The following ZNF430 variants were observed in gnomAD, a reference collection of about 807,000 sequenced individuals.
The protein encoded by ZNF430 is zinc finger protein 430.
ZNF430 carries 35 observed loss-of-function variants against 56.7 expected under a neutral mutation model. The ratio of observed to expected loss-of-function variants is 0.62; its 90% CI spans 0.47 to 0.82. ZNF430 has a LOEUF of 0.82. Among genes scored for constraint, ZNF430 ranks in the 40% least tolerant of loss-of-function variants. The pLI is 0.00. For synonymous variants in ZNF430, 212 were observed against 224.3 expected (o/e 0.94, Z 0.49); for missense variants, 574 against 661.0 (o/e 0.87, Z 1.44).
chr19:21,046,611 TG>T (rs1173947153), intron 4 of ZNF430, among the ~76,000 whole-genome samples: 1 of 152,196 alleles, frequency 6.6e-6, no homozygotes, highest in African/African-American at 2.4e-5. Flanking sequence ...TTAGTTTTCC[TG>T]GATATTCTTG....
rs767002206 is a variant in ZNF430, at chr19:21,021,954, C to T, written c.4-835C>T. Among the ~76,000 whole-genome samples the T allele has an allele frequency of 6.0e-5, 9 of 150,622 alleles. No individual in the cohort carries two copies. In the Admixed American group the frequency reaches 6.0e-4, roughly 10 times the overall value. ...GCCTGTGTTCAAGCTTCTCCTGCCTCAGCCTTTTGAGTAGCTGGAATTACA... is the reference window on the plus strand; with the variant it reads ...GCCTGTGTTCAAGCTTCTCCTGCCTTAGCCTTTTGAGTAGCTGGAATTACA... On this transcript the variant is annotated intron_variant, in intron 1 of 4. Coordinates refer to ENST00000261560, the MANE Select transcript of ZNF430 (RefSeq NM_025189.4).
intron 2 of ZNF430, 74 bp downstream of exon 2, chr19:21,022,955 C>G (rs1358650785): frequency 9.2e-7 from 1 of 1,089,424 alleles, no homozygotes; most frequent in Non-Finnish European, 1.4e-6. Flanking sequence ...TGCTGGTCAA[C>G]CAATCAGACT....
chr19:21,038,846 A>G (rs903917863), intron 4 of ZNF430, among the ~76,000 whole-genome samples: 1 of 152,162 alleles, frequency 6.6e-6, no homozygotes, highest in East Asian at 1.9e-4. Context: ...AAACTGTGCT[A>G]TTGTCATTTT....
intron 4 of ZNF430, among the ~76,000 whole-genome samples, chr19:21,055,905 G>A (rs909426892): frequency 5.9e-5 from 9 of 152,162 alleles, no homozygotes; most frequent in Admixed American, 2.0e-4. Context: ...AGCACTAGAT[G>A]TCATAGGAGA....
chr19:21,052,222 C>A (rs1469234643), intron 4 of ZNF430, among the ~76,000 whole-genome samples: 2 of 151,876 alleles, frequency 1.3e-5, no homozygotes, highest in African/African-American at 4.8e-5. Flanking sequence ...GTTAAGACTT[C>A]TTTTTTTGCC....
At chr19:21,045,868 C>A (rs1162572892) in intron 4 of ZNF430, among the ~76,000 whole-genome samples, 1 of 151,908 alleles carries the variant, frequency 6.6e-6, no homozygotes, top group Non-Finnish European at 1.5e-5. Flanking sequence ...CTTTTTTCTT[C>A]TTTTATTTGC....
Position 21,056,965 on chromosome 19 carries a change from C to A in ZNF430, c.657C>A (p.His219Gln). 2 of 1,613,898 alleles carry A rather than the reference C, an allele frequency of 1.2e-6. No homozygotes were observed. The highest frequency in any genetic ancestry group is 4.5e-5 in the East Asian group (2 of 44,860). ...ACAAATCGTTTTGCATGCTTTTACA[C>A]CTAACTCAACATAAAAGAATTCATA... is the stretch of plus-strand genomic sequence containing the variant. ...KCDKSFCMLLHLTQHKRIHIR... is the reference protein window; with the variant it reads ...KCDKSFCMLLQLTQHKRIHIR... The change falls in exon 5 of 5, where the codon CAC (histidine) becomes CAA (glutamine). Residue 219 changes from histidine to glutamine, a missense_variant. Transcript: ENST00000261560.
rs765940392 is a variant in ZNF430, at chr19:21,058,216, G to A, written c.*195G>A. On this transcript the variant is annotated 3_prime_UTR_variant, in exon 5 of 5. Transcript: ENST00000261560. ...TCCCAGCACTTTGGGAGGCTGAGAC[G>A]GGTGAATTACATGAGGTTGGGAGTT... The A allele has an allele frequency of 4.2e-5, 24 of 574,078 alleles. No individual in the cohort carries two copies. Among genetic ancestry groups the A allele is most frequent in the African/African-American group, 1.9e-4 (10 of 53,454 alleles). The allele number at this position is 574,078 out of a possible 1,614,324, so 35.6% of individuals were successfully genotyped here.
intron 2 of ZNF430, chr19:21,025,895 C>A: frequency 2.6e-6 from 1 of 387,078 alleles, no homozygotes; most frequent in East Asian, 7.4e-5. Flanking sequence ...TTCATCTTGT[C>A]TTTCTGCAGC....
At chr19:21,033,963 A>G in intron 3 of ZNF430, 123 bp from the exon 4 acceptor site, 1 of 697,254 alleles carries the variant, frequency 1.4e-6, no homozygotes, top group South Asian at 3.0e-5. Context: ...AATTTCTGTT[A>G]TAAATTAGTA....
At chr19:21,054,780 T>C (rs1268531148) in intron 4 of ZNF430, among the ~76,000 whole-genome samples, 1 of 146,594 alleles carries the variant, frequency 6.8e-6, no homozygotes, top group Non-Finnish European at 1.5e-5. Flanking sequence ...GTTCACGCCA[T>C]TCTCCTGCCT....
chr19:21,024,517 C>T (rs1222325620), intron 2 of ZNF430, among the ~76,000 whole-genome samples: 1 of 152,098 alleles, frequency 6.6e-6, no homozygotes, highest in Non-Finnish European at 1.5e-5. Context: ...CTGTGGCTCA[C>T]ACCTGTAATC....
intron 4 of ZNF430, among the ~76,000 whole-genome samples, chr19:21,043,379 T>G (rs1386304451): frequency 2.0e-5 from 3 of 152,138 alleles, no homozygotes; most frequent in African/African-American, 7.2e-5. Context: ...ATAGGGAGTT[T>G]GTTCCTCATT....
At chr19:21,029,190 A>G (rs1384907615) in intron 2 of ZNF430, among the ~76,000 whole-genome samples, 1 of 152,222 alleles carries the variant, frequency 6.6e-6, no homozygotes, top group Non-Finnish European at 1.5e-5. Context: ...GTCTAGACTA[A>G]CAACTGGATA....
chr19:21,053,098 C>T lies in ZNF430; in HGVS notation c.323-3533C>T, dbSNP rs149817083. On this transcript the variant is annotated intron_variant, in intron 4 of 4. Transcript: ENST00000261560. ...TCGCGACTGTTCAGGACTCTTCAGA[C>T]ATTTGATTTGTGGCCCTAGTGGCTG... Among the ~76,000 whole-genome samples the T allele has an allele frequency of 6.9e-3, 1,051 of 152,210 alleles. 13 individuals carry two copies. The highest frequency in any genetic ancestry group is 0.024 in the African/African-American group (1,014 of 41,536).
chr19:21,057,396 A>T lies in ZNF430; in HGVS notation c.1088A>T (p.His363Leu). The part of the protein sequence containing the change: ...AFNQSSTLTT[H>L]KIIHAGEKPY... ...AACCAATCCTCAACCCTTACTACAC[A>T]TAAGATAATTCATGCTGGAGAGAAA... The change falls in exon 5 of 5, where the codon CAT becomes CTT. Residue 363 changes from histidine (H) to leucine (L), a missense_variant. Coordinates refer to ENST00000261560, the MANE Select transcript of ZNF430 (RefSeq NM_025189.4). 6.2e-7 allele frequency: 1 copy of T among 1,613,616 alleles called. No individual in the cohort carries two copies. The highest frequency in any genetic ancestry group is 8.5e-7 in the Non-Finnish European group (1 of 1,179,982).
At chr19:21,049,732 T>TCGTGTAACATTTCTTGTTACATTA (rs1968252109) in intron 4 of ZNF430, among the ~76,000 whole-genome samples, 1 of 152,270 alleles carries the variant, frequency 6.6e-6, no homozygotes, top group Non-Finnish European at 1.5e-5. Context: ...TTGTTACATT[T>TCGTGTAACATTTCTTGTTACATTA]CGTGTAACAT....
chr19:21,042,509 C>T (rs756714518), intron 4 of ZNF430, among the ~76,000 whole-genome samples: 8 of 152,154 alleles, frequency 5.3e-5, no homozygotes, highest in South Asian at 2.1e-4. Flanking sequence ...GATTCTTGGC[C>T]GGGCACGGTG....
At chr19:21,052,530 T>C (rs1254341044) in intron 4 of ZNF430, among the ~76,000 whole-genome samples, 1 of 152,216 alleles carries the variant, frequency 6.6e-6, no homozygotes, top group Non-Finnish European at 1.5e-5. Flanking sequence ...CACATATATA[T>C]ACATAGGTTC....
Sources: allele counts gnomAD v4.1 joint callset (sites outside exome capture counted in the v4.1 genomes callset), GRCh38; gene constraint gnomAD v4.1.1; transcripts MANE v1.5; gene names NCBI Gene and HGNC (gene_info 2026-07-23, HGNC 2026-07-21).